The following DCAF8L2 variants were observed in gnomAD, a reference collection of about 807,000 sequenced individuals.
DCAF8L2 encodes the protein DDB1 and CUL4 associated factor 8 like 2, also known as DDB1- and CUL4-associated factor 8-like protein 2.
For synonymous variants in DCAF8L2, 200 were observed against 190.9 expected, an observed-to-expected ratio of 1.05 and a Z score of -0.39; for missense variants, 430 against 490.7, an observed-to-expected ratio of 0.88 and a Z score of 1.17.
At chrX:27,559,437 A>G in the DCAF8L2 span, among the ~76,000 whole-genome samples, 3 of 112,183 alleles carry the variant, frequency 2.7e-5, no homozygotes, top group East Asian at 8.5e-4. Flanking sequence ...GAAGGGGCCC[A>G]CTGTAGTCAA....
At chrX:27,563,230 A>G in the DCAF8L2 span, among the ~76,000 whole-genome samples, 1 of 111,553 alleles carries the variant, frequency 9.0e-6, no homozygotes, top group African/African-American at 3.3e-5. Flanking sequence ...AGAAAAAAAA[A>G]TATATTTATC....
At chrX:27,569,396 C>T in the DCAF8L2 span, among the ~76,000 whole-genome samples, 1 of 112,085 alleles carries the variant, frequency 8.9e-6, no homozygotes, top group Non-Finnish European at 1.9e-5. Context: ...TGAGTCCCAA[C>T]AGGATGTATT....
chrX:27,634,182 T>C (rs5971419), intron 2 of DCAF8L2, among the ~76,000 whole-genome samples: 34,235 of 110,634 alleles, frequency 0.31, 3,962 homozygotes, highest in Middle Eastern at 0.43. Flanking sequence ...AGTTATAACG[T>C]CCTAACTTGT....
In DCAF8L2 at chrX:27,747,664, T is replaced by A; in HGVS notation, c.769T>A (p.Trp257Arg). 1 of 1,210,627 alleles carries A rather than the reference T, an allele frequency of 8.3e-7. No homozygotes were observed. The change falls in exon 5 of 5, where the codon TGG becomes AGG. Residue 257 changes from tryptophan (W) to arginine (R), a missense_variant. By Grantham distance (101) the Trp-to-Arg change is moderately radical (BLOSUM62 -3). Coordinates refer to ENST00000451261, the MANE Select transcript of DCAF8L2 (RefSeq NM_001353450.2). ...TGACCTAAAGGTGATAGTGTGGGAC[T>A]GGGTGCGGCAGAGGCCAGTACTGAA... ...GDDLKVIVWD[W>R]VRQRPVLNFE...
chrX:27,740,220 C>T (rs1300659196), intron 4 of DCAF8L2, among the ~76,000 whole-genome samples: 3 of 111,800 alleles, frequency 2.7e-5, no homozygotes, highest in Non-Finnish European at 3.8e-5. Flanking sequence ...CCTAATTCAC[C>T]TCACACCCAT....
the DCAF8L2 span, among the ~76,000 whole-genome samples, chrX:27,534,251 C>T: frequency 3.6e-5 from 4 of 110,124 alleles, no homozygotes; most frequent in African/African-American, 9.9e-5. Flanking sequence ...GTCAATATCT[C>T]GACTTTGATA....
chrX:27,744,763 T>C (rs748001446), intron 4 of DCAF8L2, among the ~76,000 whole-genome samples: 1 of 111,114 alleles, frequency 9.0e-6, no homozygotes, highest in East Asian at 2.8e-4. Flanking sequence ...TCTCACAAGA[T>C]GTGATTGTTA....
the DCAF8L2 span, among the ~76,000 whole-genome samples, chrX:27,537,979 G>A: frequency 9.0e-6 from 1 of 111,279 alleles, no homozygotes; most frequent in African/African-American, 3.3e-5. Flanking sequence ...ATAATACTTG[G>A]AAACCCTATT....
the DCAF8L2 span, among the ~76,000 whole-genome samples, chrX:27,568,996 C>G: frequency 2.0e-5 from 2 of 98,569 alleles, no homozygotes; most frequent in Non-Finnish European, 4.1e-5. Flanking sequence ...CACACACACA[C>G]AGAGTTAATT....
chrX:27,502,336 ATATATATATATATAT>A, the DCAF8L2 span, among the ~76,000 whole-genome samples: 29 of 10,900 alleles, frequency 2.7e-3, no homozygotes, highest in East Asian at 0.036. Flanking sequence ...AAAAAAAAAA[ATATATATATATATAT>A]ATATATATAT....
At chrX:27,592,946 C>A (rs760440794) in intron 1 of DCAF8L2, among the ~76,000 whole-genome samples, 68 of 109,813 alleles carry the variant, frequency 6.2e-4, no homozygotes, top group African/African-American at 2.0e-3. Flanking sequence ...TTACAGGTGC[C>A]CGCCACCACA....
At chrX:27,658,993 G>A (rs1404923741) in intron 2 of DCAF8L2, among the ~76,000 whole-genome samples, 2 of 111,978 alleles carry the variant, frequency 1.8e-5, no homozygotes, top group African/African-American at 6.5e-5. Context: ...TGCTGAGGCT[G>A]AACTTCCAAC....
At chrX:27,551,182 C>G in the DCAF8L2 span, among the ~76,000 whole-genome samples, 5 of 108,949 alleles carry the variant, frequency 4.6e-5, no homozygotes, top group Non-Finnish European at 9.5e-5. Context: ...ATATTAATCA[C>G]TCTACAAAGA....
chrX:27,735,464 C>T (rs1429111413), intron 4 of DCAF8L2, among the ~76,000 whole-genome samples: 1 of 112,301 alleles, frequency 8.9e-6, no homozygotes, highest in African/African-American at 3.2e-5. Flanking sequence ...AAAACATACT[C>T]TTTGCATAAT....
rs189683849 is a variant in DCAF8L2, at chrX:27,668,884, G to A, written c.-219-8952G>A. Among the ~76,000 whole-genome samples, 494 of 109,465 alleles carry A rather than the reference G, an allele frequency of 4.5e-3. 2 individuals carry two copies. The highest frequency in any genetic ancestry group is 7.3e-3 in the Non-Finnish European group (383 of 52,513). On this transcript the variant is annotated intron_variant, in intron 2 of 4. Coordinates refer to ENST00000451261, the MANE Select transcript of DCAF8L2 (RefSeq NM_001353450.2). ...CGGGAGGTGGAGGTTGCAGTGAGCC[G>A]GGATCGTGCCACTGCACTCCAGCCT...
At chrX:27,696,330 GAA>G (rs1199735889) in intron 3 of DCAF8L2, among the ~76,000 whole-genome samples, 80 of 32,724 alleles carry the variant, frequency 2.4e-3, no homozygotes, top group South Asian at 9.0e-3. Context: ...AAGAAAGAAA[GAA>G]AAAGAAAGAA....
chrX:27,524,416 C>G, the DCAF8L2 span, among the ~76,000 whole-genome samples: 11 of 111,263 alleles, frequency 9.9e-5, no homozygotes, highest in African/African-American at 3.6e-4. Context: ...TGATTTTTCT[C>G]TCTTTTCTTT....
intron 3 of DCAF8L2, among the ~76,000 whole-genome samples, chrX:27,684,985 T>C (rs5971431): frequency 0.094 from 10,393 of 111,032 alleles, 470 homozygotes; most frequent in East Asian, 0.35. Flanking sequence ...TCACATTCTG[T>C]TTATGATGAG....
At chrX:27,621,456 G>T in intron 1 of DCAF8L2, among the ~76,000 whole-genome samples, 1 of 110,750 alleles carries the variant, frequency 9.0e-6, no homozygotes. Flanking sequence ...TAACCTAATA[G>T]AAAACAGGAA....
Sources: allele counts gnomAD v4.1 joint callset (sites outside exome capture counted in the v4.1 genomes callset), GRCh38; gene constraint gnomAD v4.1.1; transcripts MANE v1.5; gene names NCBI Gene and HGNC (gene_info 2026-07-23, HGNC 2026-07-21).